EPAS1: variants seen among roughly 807,000 people sequenced by gnomAD.
EPAS1 encodes the protein endothelial PAS domain protein 1.
A neutral mutation model predicts 87.9 loss-of-function variants in EPAS1; 23 were observed. That is an observed-to-expected ratio of 0.26 (90% CI 0.19 to 0.37). The LOEUF is 0.37. Ranked by LOEUF, EPAS1 falls within the 10% of genes least tolerant of loss-of-function variation. The pLI, the probability that EPAS1 is intolerant of heterozygous loss-of-function variation, is 1.00. For synonymous variants in EPAS1, 508 were observed against 444.3 expected (o/e 1.14, Z -1.80); for missense variants, 1,138 against 1,120.7 (o/e 1.02, Z -0.22).
rs113360899 is a variant in EPAS1 at position 46,376,118 on chromosome 2, A to C, written c.1034+281A>C. Among the ~76,000 whole-genome samples the C allele has an allele frequency of 0.027, 4,105 of 152,116 alleles. 207 individuals are homozygous for C. Among genetic ancestry groups the C allele is most frequent in the African/African-American group, 0.094 (3,908 of 41,452 alleles). On this transcript the variant is annotated intron_variant, in intron 8 of 15. Transcript: ENST00000263734. The stretch of plus-strand genomic sequence containing the variant: ...GGTGGGGAGGCAGATAGCACACAAT[A>C]GTCAATATTTTCTGAATGGGGAAAA...
At position 46,383,179 on chromosome 2, in the gene EPAS1, C is replaced by T. The variant is rs373016150; in HGVS notation, c.2461+581C>T. Among the ~76,000 whole-genome samples, 17 of 152,282 alleles carry T rather than the reference C, an allele frequency of 1.1e-4. No individual in the cohort carries two copies. In the Middle Eastern group the frequency reaches 0.01, roughly 91 times the overall value. ...AGGGCTCTTTCCACCCTGAGAATCC[C>T]GGAGCCTTGCCCCTTCCTCAGTTCT... On this transcript the variant is annotated intron_variant, in intron 15 of 15. Coordinates refer to ENST00000263734, the MANE Select transcript of EPAS1 (RefSeq NM_001430.5).
Position 46,384,543 on chromosome 2 carries a change from G to T in EPAS1, c.2496G>T (p.Glu832Asp). ...MASRLLGPSF[E>D]SYLLPELTRY... Reference sequence around the variant, plus strand: ...GCCGGCTGCTCGGGCCCTCATTTGAGTCCTACCTGCTGCCCGAACTGACCA... The same window carrying T: ...GCCGGCTGCTCGGGCCCTCATTTGATTCCTACCTGCTGCCCGAACTGACCA... Residue 832 changes from glutamate to aspartate, a missense_variant, in exon 16 of 16, where the codon GAG becomes GAT. Coordinates refer to ENST00000263734, the MANE Select transcript of EPAS1 (RefSeq NM_001430.5). 4 of 1,614,178 alleles carry T rather than the reference G, an allele frequency of 2.5e-6. No homozygotes were observed. Among genetic ancestry groups the T allele is most frequent in the Non-Finnish European group, 3.4e-6 (4 of 1,180,034 alleles).
intron 2 of EPAS1, among the ~76,000 whole-genome samples, chr2:46,355,919 A>G (rs969385329): frequency 9.8e-5 from 15 of 152,360 alleles, no homozygotes; most frequent in Admixed American, 7.2e-4. Context: ...CTAGTGCCAG[A>G]AGTACTGTTG....
intron 6 of EPAS1, among the ~76,000 whole-genome samples, chr2:46,362,530 C>T (rs1018253062): frequency 1.3e-5 from 2 of 152,168 alleles, no homozygotes; most frequent in South Asian, 4.1e-4. Flanking sequence ...CCTTGTCTTC[C>T]TCAGCTAGCA....
intron 1 of EPAS1, 72 bp downstream of exon 1, chr2:46,298,009 C>A (rs1297721328): frequency 1.3e-6 from 2 of 1,576,838 alleles, no homozygotes; most frequent in South Asian, 1.1e-5. Flanking sequence ...CAGGCGCGAC[C>A]GAGAGTGGTT....
chr2:46,327,457 TGTTTAGAACCACAGA>T (rs1442674713), intron 1 of EPAS1, among the ~76,000 whole-genome samples: 5 of 152,212 alleles, frequency 3.3e-5, no homozygotes, highest in African/African-American at 4.8e-5. Context: ...ACCTATCTAA[TGTTTAGAACCACAGA>T]GACTTTAGAC....
At position 46,380,638 on chromosome 2, in the gene EPAS1, G is replaced by A. The variant is rs1177530014; in HGVS notation, c.1966G>A (p.Asp656Asn). The A allele has an allele frequency of 1.9e-6, 3 of 1,614,126 alleles. No individual in the cohort carries two copies. Among genetic ancestry groups the A allele is most frequent in the Admixed American group, 3.3e-5 (2 of 60,014 alleles). ...HFGPTKWAVGDQRTEFLGAAP... is the reference protein window; with the variant it reads ...HFGPTKWAVGNQRTEFLGAAP... ...TGGGCCCACAAAGTGGGCCGTCGGG[G>A]ATCAGCGCACAGAGTTCTTGGGAGC... is the stretch of plus-strand genomic sequence containing the variant. The change falls in exon 12 of 16, where the codon GAT (aspartate) becomes AAT (asparagine). Residue 656 changes from aspartate to asparagine, a missense_variant. Around this residue, in one of 4 missense-constraint regions of EPAS1, gnomAD observed 502 missense variants for 427.1 expected, o/e 1.18. Transcript: ENST00000263734. The surrounding 1 kb of genome is among the most constrained non-coding windows in gnomAD (Gnocchi z 4.4).
In EPAS1 at chr2:46,385,236, AAG is replaced by A. The variant is rs1684990105; in HGVS notation, c.*578_*579del. 6.5e-6 allele frequency: 1 copy of A among 153,906 alleles called. No individual in the cohort carries two copies. The highest frequency in any genetic ancestry group is 2.4e-5 in the African/African-American group (1 of 41,402). The allele number at this position is 153,906 out of a possible 1,614,324, so 9.5% of individuals were successfully genotyped here. On this transcript the variant is annotated 3_prime_UTR_variant, in exon 16 of 16. Transcript: ENST00000263734. The stretch of plus-strand genomic sequence containing the variant: ...ACTCTTTGCTCTAATTTTGGAAAAA[AAG>A]AAATGTGAAGGGTCAACTCCAACGT...
At chr2:46,302,561 A>G (rs965570686) in intron 1 of EPAS1, among the ~76,000 whole-genome samples, 6 of 152,038 alleles carry the variant, frequency 3.9e-5, no homozygotes, top group Non-Finnish European at 7.4e-5. Flanking sequence ...CCCCACCAGT[A>G]CCATGCTGCC....
intron 11 of EPAS1, among the ~76,000 whole-genome samples, chr2:46,379,155 AT>A (rs1317228528): frequency 6.6e-6 from 1 of 152,250 alleles, no homozygotes; most frequent in African/African-American, 2.4e-5. Flanking sequence ...TTTTAAAAAA[AT>A]AATCATTTTT....
At chr2:46,327,584 A>G (rs1288111445) in intron 1 of EPAS1, among the ~76,000 whole-genome samples, 2 of 152,204 alleles carry the variant, frequency 1.3e-5, no homozygotes, top group African/African-American at 4.8e-5. Flanking sequence ...AAAGTTACCT[A>G]TTTGGAATAT....
chr2:46,354,053 C>G (rs953211811), intron 2 of EPAS1, among the ~76,000 whole-genome samples: 1 of 152,226 alleles, frequency 6.6e-6, no homozygotes, highest in Non-Finnish European at 1.5e-5. Flanking sequence ...TTCACTGAAG[C>G]CTCTTGGTAG....
At chr2:46,378,204 C>T (rs899927640) in intron 10 of EPAS1, 117 bp downstream of exon 10, 7 of 1,475,874 alleles carry the variant, frequency 4.7e-6, no homozygotes, top group African/African-American at 1.4e-5. Flanking sequence ...CACAGAGCCC[C>T]CTAGAGTGGC....
chr2:46,318,616 T>C (rs1558585590), intron 1 of EPAS1, among the ~76,000 whole-genome samples: 1 of 152,218 alleles, frequency 6.6e-6, no homozygotes, highest in Non-Finnish European at 1.5e-5. Context: ...GCTGAGAAAG[T>C]TTTTGAGTGT....
chr2:46,341,423 G>A (rs999559731), intron 1 of EPAS1, among the ~76,000 whole-genome samples: 4 of 152,200 alleles, frequency 2.6e-5, no homozygotes, highest in African/African-American at 4.8e-5. Flanking sequence ...AAGACAGAGC[G>A]ATGGCCACCT....
intron 1 of EPAS1, among the ~76,000 whole-genome samples, chr2:46,312,828 G>A (rs977345258): frequency 6.6e-6 from 1 of 152,218 alleles, no homozygotes; most frequent in Non-Finnish European, 1.5e-5. Flanking sequence ...GGTCTGACCA[G>A]TTATGCTCCT....
At chr2:46,309,928 C>A (rs1572614033) in intron 1 of EPAS1, among the ~76,000 whole-genome samples, 1 of 152,194 alleles carries the variant, frequency 6.6e-6, no homozygotes. Flanking sequence ...CAACCAGAAG[C>A]CTAGCTCTAG....
In EPAS1 at chr2:46,297,815, C is replaced by T. The variant is rs550595141; in HGVS notation, c.-97C>T. On this transcript the variant is annotated 5_prime_UTR_variant, in exon 1 of 16. Coordinates refer to ENST00000263734, the MANE Select transcript of EPAS1 (RefSeq NM_001430.5). The stretch of plus-strand genomic sequence containing the variant: ...GCGCGCACCTCGGACCTTCACCACC[C>T]GCCCGGGCCGCGGGGAGCGGACGAG... 1.9e-5 allele frequency: 29 copies of T among 1,529,958 alleles called. No homozygotes were observed. The South Asian group carries it at 2.9e-4, about 15-fold the overall frequency. The allele number at this position is 1,529,958 out of a possible 1,614,324, so 94.8% of individuals were successfully genotyped here. A position where few individuals can be genotyped will look rare whatever the true frequency, so the allele number is the denominator to read the frequency against.
rs2103672905 is a variant in EPAS1, at chr2:46,380,467, C to T, written c.1795C>T (p.Pro599Ser). Residue 599 changes from proline to serine, a missense_variant, in exon 12 of 16, where the codon CCC (proline) becomes TCC (serine). Pro to Ser is a moderately conservative substitution (Grantham distance 74). Around this residue, in one of 4 missense-constraint regions of EPAS1, gnomAD observed 502 missense variants for 427.1 expected, o/e 1.18. Coordinates refer to ENST00000263734, the MANE Select transcript of EPAS1 (RefSeq NM_001430.5). The surrounding 1 kb of genome is among the most constrained non-coding windows in gnomAD (Gnocchi z 4.4). ...GCAGCTGGAGAGCAAGAAGACAGAG[C>T]CCGAGCACCGGCCCATGTCCTCCAT... Reference protein sequence around the residue: ...QQQLESKKTEPEHRPMSSIFF... With the variant: ...QQQLESKKTESEHRPMSSIFF... 1 of 1,614,140 alleles carries T rather than the reference C, an allele frequency of 6.2e-7. No individual in the cohort carries two copies.
Sources: allele counts gnomAD v4.1 joint callset (sites outside exome capture counted in the v4.1 genomes callset), GRCh38; gene constraint gnomAD v4.1.1; regional missense constraint gnomAD v4.1.1; non-coding constraint Gnocchi (gnomAD v3.1); transcripts MANE v1.5; gene names NCBI Gene and HGNC (gene_info 2026-07-23, HGNC 2026-07-21).